The following ANGPT1 variants were observed in gnomAD, a reference collection of about 807,000 sequenced individuals.
ANGPT1 encodes angiopoietin-1.
A neutral mutation model predicts 62.2 loss-of-function variants in ANGPT1; 17 were observed. That is an observed-to-expected ratio of 0.27 (90% CI 0.19 to 0.41). ANGPT1 has a LOEUF of 0.41. Among genes scored for constraint, ANGPT1 ranks in the 10% least tolerant of loss-of-function variants. The pLI, the probability that ANGPT1 is intolerant of heterozygous loss-of-function variation, is 1.00. For missense variants in ANGPT1, 478 were observed against 594.9 expected, an observed-to-expected ratio of 0.80 and a Z score of 2.04; for synonymous variants, 199 against 198.9, an observed-to-expected ratio of 1.00 and a Z score of 0.00.
At chr8:107,324,182 T>C (rs1050223688) in intron 3 of ANGPT1, among the ~76,000 whole-genome samples, 4 of 135,746 alleles carry the variant, frequency 2.9e-5, no homozygotes, top group Non-Finnish European at 4.6e-5. Flanking sequence ...TATATGTGTG[T>C]GTGTGTATAT....
At chr8:107,290,721 C>T (rs991362913) in intron 6 of ANGPT1, among the ~76,000 whole-genome samples, 1 of 152,110 alleles carries the variant, frequency 6.6e-6, no homozygotes, top group African/African-American at 2.4e-5. Context: ...TGACATTCAT[C>T]TGATAAATGT....
At chr8:107,470,674 T>C (rs200104236) in intron 1 of ANGPT1, among the ~76,000 whole-genome samples, 1 of 152,072 alleles carries the variant, frequency 6.6e-6, no homozygotes, top group Admixed American at 6.6e-5. Flanking sequence ...TGTTGCCATT[T>C]CTTTTGGTGT....
chr8:107,440,197 T>C (rs1811438706), intron 1 of ANGPT1, among the ~76,000 whole-genome samples: 1 of 152,120 alleles, frequency 6.6e-6, no homozygotes, highest in South Asian at 2.1e-4. Context: ...TACATAAAAT[T>C]GAGGGCTCAA....
At chr8:107,278,002 T>G (rs1378776374) in intron 7 of ANGPT1, among the ~76,000 whole-genome samples, 2 of 152,158 alleles carry the variant, frequency 1.3e-5, no homozygotes, top group African/African-American at 4.8e-5. Flanking sequence ...AATTAAAAAT[T>G]GTTTATTGAC....
Position 107,339,117 on chromosome 8 carries a change from C to T in ANGPT1, c.454-2846G>A, listed in dbSNP as rs11989541. Among the ~76,000 whole-genome samples the T allele has an allele frequency of 7.3e-3, 1,116 of 152,260 alleles. 15 individuals carry two copies. The highest frequency in any genetic ancestry group is 0.026 in the African/African-American group (1,076 of 41,532). ...AAATGGAACCATTTAAAATTGAAAACAAAGCTGCCCATATCTCAGTCTGGA... is the reference window on the plus strand; with the variant it reads ...AAATGGAACCATTTAAAATTGAAAATAAAGCTGCCCATATCTCAGTCTGGA... On this transcript the variant is annotated intron_variant, in intron 2 of 8. Coordinates refer to ENST00000517746, the MANE Select transcript of ANGPT1 (RefSeq NM_001146.5).
intron 3 of ANGPT1, among the ~76,000 whole-genome samples, chr8:107,332,134 G>C (rs1815437079): frequency 6.6e-6 from 1 of 152,154 alleles, no homozygotes; most frequent in South Asian, 2.1e-4. Context: ...CATTGTTTTA[G>C]AAAGCAGTAG....
chr8:107,276,803 A>G (rs1813878295), intron 7 of ANGPT1, among the ~76,000 whole-genome samples: 1 of 152,192 alleles, frequency 6.6e-6, no homozygotes. Context: ...AGTGTTTTAC[A>G]AATTACATCA....
chr8:107,449,112 A>G (rs190013231), intron 1 of ANGPT1, among the ~76,000 whole-genome samples: 1 of 152,150 alleles, frequency 6.6e-6, no homozygotes, highest in African/African-American at 2.4e-5. Context: ...AAATTTTCTC[A>G]ATAGCAGGGG....
chr8:107,290,650 C>T (rs1272430781), intron 6 of ANGPT1, among the ~76,000 whole-genome samples: 1 of 152,116 alleles, frequency 6.6e-6, no homozygotes, highest in African/African-American at 2.4e-5. Flanking sequence ...AATTCAGCCT[C>T]ATTTTTAGCC....
chr8:107,338,582 A>G (rs1405268979), intron 2 of ANGPT1, among the ~76,000 whole-genome samples: 1 of 152,240 alleles, frequency 6.6e-6, no homozygotes, highest in Non-Finnish European at 1.5e-5. Context: ...AAAATGTACT[A>G]CTACTAATCA....
intron 1 of ANGPT1, among the ~76,000 whole-genome samples, chr8:107,486,516 A>G (rs1232049833): frequency 6.6e-6 from 1 of 152,142 alleles, no homozygotes; most frequent in South Asian, 2.1e-4. Flanking sequence ...TTTAACTAAC[A>G]CTGTACCCAG....
chr8:107,376,959 T>C (rs2514862), intron 1 of ANGPT1, among the ~76,000 whole-genome samples: 38,223 of 152,114 alleles, frequency 0.25, 5,755 homozygotes, highest in East Asian at 0.34. Context: ...AAGTACATTT[T>C]TTTTTCTTCT....
intron 8 of ANGPT1, among the ~76,000 whole-genome samples, chr8:107,262,914 T>C (rs1003612007): frequency 6.6e-6 from 1 of 152,250 alleles, no homozygotes; most frequent in Non-Finnish European, 1.5e-5. Context: ...AGTTTTGCCA[T>C]ATCCATTTAT....
At chr8:107,353,926 T>C (rs1311510692) in intron 1 of ANGPT1, among the ~76,000 whole-genome samples, 1 of 152,110 alleles carries the variant, frequency 6.6e-6, no homozygotes, top group East Asian at 1.9e-4. Context: ...ATAATGTGAG[T>C]GGATGTTTGT....
chr8:107,434,546 T>A (rs753910628), intron 1 of ANGPT1, among the ~76,000 whole-genome samples: 1 of 152,036 alleles, frequency 6.6e-6, no homozygotes, highest in African/African-American at 2.4e-5. Context: ...AGATGAACGA[T>A]TAAAGAGACT....
At chr8:107,348,108 G>A (rs1563580003) in intron 1 of ANGPT1, among the ~76,000 whole-genome samples, 1 of 152,064 alleles carries the variant, frequency 6.6e-6, no homozygotes, top group Non-Finnish European at 1.5e-5. Flanking sequence ...CAGGTCCAAG[G>A]CCACACACCA....
intron 1 of ANGPT1, among the ~76,000 whole-genome samples, chr8:107,428,902 A>G (rs987127788): frequency 9.9e-5 from 15 of 152,204 alleles, no homozygotes; most frequent in African/African-American, 3.6e-4. Flanking sequence ...AAATGAAAGA[A>G]AAGTGATTCA....
chr8:107,478,954 A>C (rs1049467354), intron 1 of ANGPT1, among the ~76,000 whole-genome samples: 3 of 152,162 alleles, frequency 2.0e-5, no homozygotes, highest in Admixed American at 1.3e-4. Context: ...TTCACACAAC[A>C]TCTGGTGGGC....
chr8:107,462,315 C>G (rs970771541), intron 1 of ANGPT1, among the ~76,000 whole-genome samples: 3 of 151,038 alleles, frequency 2.0e-5, no homozygotes, highest in Non-Finnish European at 4.4e-5. Context: ...TTAAGCAGTA[C>G]AGATTGTGTC....
Sources: gnomAD v4.1 joint callset for allele counts (sites outside exome capture counted in the v4.1 genomes callset) on GRCh38, gnomAD v4.1.1 for gene constraint, MANE v1.5 for transcripts, NCBI Gene and HGNC (gene_info 2026-07-23, HGNC 2026-07-21) for gene names.